SNX29: variants seen among roughly 807,000 people sequenced by gnomAD.
The protein encoded by SNX29 is sorting nexin-29.
A neutral mutation model predicts 102.1 loss-of-function variants in SNX29; 78 were observed. That is an observed-to-expected ratio of 0.76 (90% CI 0.64 to 0.92). SNX29 has a LOEUF of 0.92. SNX29 is among the 40% of genes least tolerant of loss of function. The pLI is 0.00. For synonymous variants in SNX29, 580 were observed against 414.5 expected, an observed-to-expected ratio of 1.40 and a Z score of -4.85; for missense variants, 1,280 against 1,061.7, an observed-to-expected ratio of 1.21 and a Z score of -2.86.
At position 11,976,769 on chromosome 16, in the gene SNX29, GGCGGC is replaced by G; in HGVS notation, c.-30_-26del. Reference sequence around the variant, plus strand: ...CGGCAGCCGCAGAAGCGGCAGCGGCGGCGGCGCGGCGCAGGCACCGGCCCGGGGAG... The same window carrying G: ...CGGCAGCCGCAGAAGCGGCAGCGGCGGCGGCGCAGGCACCGGCCCGGGGAG... On this transcript the variant is annotated 5_prime_UTR_variant, in exon 1 of 21. Transcript: ENST00000566228. 1 of 1,308,418 alleles carries G rather than the reference GGCGGC, an allele frequency of 7.6e-7. No homozygotes were observed. The allele number at this position is 1,308,418 out of a possible 1,614,324, so 81.1% of individuals were successfully genotyped here.
chr16:12,316,473 G>A (rs182921506), intron 15 of SNX29, among the ~76,000 whole-genome samples: 41 of 152,312 alleles, frequency 2.7e-4, no homozygotes, highest in African/African-American at 9.9e-4. Context: ...AATCCAGGAG[G>A]CGGAGGTTGC....
At chr16:12,524,206 C>T (rs1009998315) in intron 19 of SNX29, among the ~76,000 whole-genome samples, 3 of 152,154 alleles carry the variant, frequency 2.0e-5, no homozygotes, top group Non-Finnish European at 2.9e-5. Context: ...AAACCTCTTT[C>T]TTAATCAGTG....
intron 20 of SNX29, among the ~76,000 whole-genome samples, chr16:12,531,828 T>C (rs2076939862): frequency 6.6e-6 from 1 of 152,204 alleles, no homozygotes; most frequent in African/African-American, 2.4e-5. Flanking sequence ...TCTTCTAGGA[T>C]GGCCGCCTGT....
rs987861755 is a variant in SNX29 at position 12,452,364 on chromosome 16, C to A, written c.2038-25355C>A. On this transcript the variant is annotated intron_variant, in intron 18 of 20. Transcript: ENST00000566228. ...GTCTCACAATGCACAGGACAGCTCC[C>A]ATACAAGACTGTGTTCTCAATAGCG... Among the ~76,000 whole-genome samples the A allele has an allele frequency of 5.4e-4, 10 of 18,544 alleles. No individual in the cohort carries two copies. In the African/African-American group the frequency reaches 0.012, roughly 23 times the overall value. The allele number at this position is 18,544 out of a possible 152,430, so 12.2% of individuals were successfully genotyped here.
At position 12,188,266 on chromosome 16, in the gene SNX29, T is replaced by C. The variant is rs546341112; in HGVS notation, c.1596-11335T>C. Among the ~76,000 whole-genome samples the C allele has an allele frequency of 1.2e-4, 19 of 152,324 alleles. No homozygotes were observed. In the East Asian group the frequency reaches 3.7e-3, roughly 29 times the overall value. ...TAATTCTGTCTGTAGTTTCTGAAGG[T>C]AGATACTTTCATCATCCCATTTTAT... On this transcript the variant is annotated intron_variant, in intron 13 of 20. Coordinates refer to ENST00000566228, the MANE Select transcript of SNX29 (RefSeq NM_032167.5).
At chr16:12,005,212 T>A (rs371600965) in intron 3 of SNX29, among the ~76,000 whole-genome samples, 1 of 152,214 alleles carries the variant, frequency 6.6e-6, no homozygotes, top group Non-Finnish European at 1.5e-5. Context: ...TTCGACTGAT[T>A]GATCAATTTA....
intron 18 of SNX29, among the ~76,000 whole-genome samples, chr16:12,443,554 G>A (rs554613091): frequency 2.6e-5 from 4 of 152,138 alleles, no homozygotes; most frequent in African/African-American, 7.2e-5. Context: ...CCCTTCAAGC[G>A]ATTCTCCTGC....
chr16:12,568,756 C>G lies in SNX29; in HGVS notation c.*127C>G. ...CTGGTGATCCTGAGAGCACACGATT[C>G]CCAACAGTTACACAACACCCCGATT... On this transcript the variant is annotated 3_prime_UTR_variant, in exon 21 of 21. Coordinates refer to ENST00000566228, the MANE Select transcript of SNX29 (RefSeq NM_032167.5). 1 of 1,374,472 alleles carries G rather than the reference C, an allele frequency of 7.3e-7. No homozygotes were observed. Among genetic ancestry groups the G allele is most frequent in the East Asian group, 2.5e-5 (1 of 40,162 alleles). The allele number at this position is 1,374,472 out of a possible 1,614,324, so 85.1% of individuals were successfully genotyped here. A position where few individuals can be genotyped will look rare whatever the true frequency, so the allele number is the denominator to read the frequency against.
At chr16:12,272,003 A>G (rs1439037085) in intron 14 of SNX29, among the ~76,000 whole-genome samples, 1 of 152,128 alleles carries the variant, frequency 6.6e-6, no homozygotes, top group Non-Finnish European at 1.5e-5. Flanking sequence ...TCATACATGG[A>G]ATTGAAATTT....
At chr16:12,362,681 G>A (rs1340510136) in intron 16 of SNX29, among the ~76,000 whole-genome samples, 2 of 151,022 alleles carry the variant, frequency 1.3e-5, no homozygotes, top group Non-Finnish European at 2.9e-5. Flanking sequence ...ACTGCCCAGT[G>A]CCAGGGCTGC....
intron 19 of SNX29, among the ~76,000 whole-genome samples, chr16:12,483,906 A>G (rs1444117486): frequency 6.6e-6 from 1 of 152,234 alleles, no homozygotes; most frequent in Non-Finnish European, 1.5e-5. Context: ...GGCCAGAGCA[A>G]GTTCCTTGGC....
intron 11 of SNX29, chr16:12,088,324 G>A (rs1445042001): frequency 1.1e-5 from 4 of 357,144 alleles, no homozygotes; most frequent in Non-Finnish European, 2.2e-5. Context: ...AGGGGGAGGT[G>A]CCACGTTGCC....
chr16:12,118,551 C>G (rs1261173672), intron 11 of SNX29, among the ~76,000 whole-genome samples: 1 of 151,868 alleles, frequency 6.6e-6, no homozygotes, highest in African/African-American at 2.4e-5. Context: ...CCTGACCTGA[C>G]GTGATCCGCC....
intron 20 of SNX29, among the ~76,000 whole-genome samples, chr16:12,562,940 T>G (rs1652380585): frequency 6.6e-6 from 1 of 152,118 alleles, no homozygotes; most frequent in Non-Finnish European, 1.5e-5. Flanking sequence ...ACCTGCATAG[T>G]AAGAAGCAAA....
At chr16:12,280,304 C>G (rs1358577781) in intron 15 of SNX29, among the ~76,000 whole-genome samples, 1 of 152,176 alleles carries the variant, frequency 6.6e-6, no homozygotes, top group Non-Finnish European at 1.5e-5. Flanking sequence ...TGTCACCACC[C>G]GCTTTGCTTT....
intron 15 of SNX29, among the ~76,000 whole-genome samples, chr16:12,341,216 A>G (rs1037797539): frequency 3.3e-5 from 5 of 152,240 alleles, no homozygotes; most frequent in Non-Finnish European, 7.3e-5. Flanking sequence ...ACAGAATACA[A>G]GTCTTGTGAT....
chr16:12,555,795 T>C (rs2078302530), intron 20 of SNX29, among the ~76,000 whole-genome samples: 1 of 152,102 alleles, frequency 6.6e-6, no homozygotes. Context: ...GCAGGCACAC[T>C]CCTGCCTGCC....
chr16:12,367,575 T>G (rs1255101629), intron 16 of SNX29: 1 of 152,228 alleles, frequency 6.6e-6, no homozygotes, highest in Non-Finnish European at 1.5e-5. Flanking sequence ...AAATGCTCCC[T>G]GGGACTTTCT....
chr16:12,405,905 G>A (rs1567530902), intron 18 of SNX29, among the ~76,000 whole-genome samples: 2 of 152,006 alleles, frequency 1.3e-5, no homozygotes, highest in African/African-American at 4.8e-5. Context: ...GGTGGTGGGC[G>A]CCTGTAATCC....
Sources: gnomAD v4.1 joint callset for allele counts (sites outside exome capture counted in the v4.1 genomes callset) on GRCh38, gnomAD v4.1.1 for gene constraint, MANE v1.5 for transcripts, NCBI Gene and HGNC (gene_info 2026-07-23, HGNC 2026-07-21) for gene names.